Variants in TENM2 observed in about 807,000 individuals in gnomAD.
TENM2 encodes teneurin-2.
In TENM2, 52 loss-of-function variants were observed where a neutral mutation model predicts 245.2. That is an observed-to-expected ratio of 0.21 (90% CI 0.17 to 0.27). The LOEUF (loss-of-function observed/expected upper bound fraction) is 0.27, where lower values mean the gene tolerates loss of function less well. Ranked by LOEUF, TENM2 falls within the 10% of genes least tolerant of loss-of-function variation. The pLI is 1.00. For synonymous variants in TENM2, 1,363 were observed against 1,438.9 expected (o/e 0.95, Z 1.19); for missense variants, 3,046 against 3,666.8 (o/e 0.83, Z 4.37).
At chr5:167,101,459 G>A in the TENM2 span, among the ~76,000 whole-genome samples, 2 of 152,064 alleles carry the variant, frequency 1.3e-5, no homozygotes, top group Non-Finnish European at 2.9e-5. Flanking sequence ...CAAAGATAAT[G>A]GCAATGGTGT....
At chr5:168,027,170 G>A (rs890332474) in intron 5 of TENM2, among the ~76,000 whole-genome samples, 3 of 152,066 alleles carry the variant, frequency 2.0e-5, no homozygotes, top group African/African-American at 7.2e-5. Flanking sequence ...GAGAGCCAAG[G>A]TACCGTCACC....
At chr5:167,082,590 G>A in the TENM2 span, among the ~76,000 whole-genome samples, 10 of 152,102 alleles carry the variant, frequency 6.6e-5, no homozygotes, top group Admixed American at 3.9e-4. Context: ...CAGCCGAAGT[G>A]AGATATGCTG....
chr5:167,225,888 C>T, the TENM2 span, among the ~76,000 whole-genome samples: 1 of 151,896 alleles, frequency 6.6e-6, no homozygotes, highest in Non-Finnish European at 1.5e-5. Context: ...CTGATTCGAA[C>T]TTGGTAGGTT....
At chr5:167,915,861 G>A (rs1315290080) in intron 3 of TENM2, among the ~76,000 whole-genome samples, 1 of 152,154 alleles carries the variant, frequency 6.6e-6, no homozygotes, top group Non-Finnish European at 1.5e-5. Flanking sequence ...TTGCTGTTAA[G>A]TAATCTTGTC....
chr5:167,302,517 G>A (rs1439149999), intron 1 of TENM2, among the ~76,000 whole-genome samples: 3 of 149,804 alleles, frequency 2.0e-5, no homozygotes, highest in Non-Finnish European at 2.9e-5. Flanking sequence ...ATAAGAGGTC[G>A]GGGCATGGAA....
At chr5:167,113,415 C>T in the TENM2 span, among the ~76,000 whole-genome samples, 5 of 151,844 alleles carry the variant, frequency 3.3e-5, no homozygotes, top group Admixed American at 1.3e-4. Flanking sequence ...CTGAGGAAGG[C>T]GGATCACTTG....
intron 2 of TENM2, among the ~76,000 whole-genome samples, chr5:167,745,660 C>T (rs1333594644): frequency 6.6e-6 from 1 of 152,124 alleles, no homozygotes; most frequent in Non-Finnish European, 1.5e-5. Context: ...CCCTACTGGC[C>T]ATTTGCTGTT....
At chr5:167,135,558 C>T in the TENM2 span, among the ~76,000 whole-genome samples, 25 of 152,220 alleles carry the variant, frequency 1.6e-4, no homozygotes, top group African/African-American at 6.0e-4. Flanking sequence ...GGGCAGATGA[C>T]AAGGTCAGGA....
chr5:167,093,255 A>G, the TENM2 span, among the ~76,000 whole-genome samples: 2 of 152,220 alleles, frequency 1.3e-5, no homozygotes, highest in Non-Finnish European at 2.9e-5. Flanking sequence ...TTTATGAACC[A>G]GGATTCCACG....
At chr5:167,860,054 A>G (rs1168640086) in intron 2 of TENM2, among the ~76,000 whole-genome samples, 3 of 41,312 alleles carry the variant, frequency 7.3e-5, no homozygotes, top group Non-Finnish European at 9.6e-5. Context: ...TCCGGGAGGG[A>G]GGTGGGGGGG....
intron 2 of TENM2, among the ~76,000 whole-genome samples, chr5:167,804,984 T>C (rs1766045638): frequency 6.6e-6 from 1 of 152,170 alleles, no homozygotes; most frequent in South Asian, 2.1e-4. Context: ...GATGAGACAG[T>C]GCATGGACAC....
intron 2 of TENM2, among the ~76,000 whole-genome samples, chr5:167,832,830 T>C (rs1768625889): frequency 6.6e-6 from 1 of 152,022 alleles, no homozygotes; most frequent in South Asian, 2.1e-4. Flanking sequence ...CATTGTGCAA[T>C]ACGTCTTCTC....
chr5:167,448,399 G>C (rs958571494), intron 2 of TENM2, among the ~76,000 whole-genome samples: 2 of 151,612 alleles, frequency 1.3e-5, no homozygotes, highest in Admixed American at 6.6e-5. Flanking sequence ...GCGTCTGTCT[G>C]TCTCCAGTTG....
intron 5 of TENM2, among the ~76,000 whole-genome samples, chr5:168,019,000 A>G (rs1250445570): frequency 6.6e-6 from 1 of 152,172 alleles, no homozygotes; most frequent in Non-Finnish European, 1.5e-5. Context: ...TTGGTATCAG[A>G]GAGTACTTTA....
chr5:167,497,260 C>A (rs765937069), intron 2 of TENM2, among the ~76,000 whole-genome samples: 1 of 152,020 alleles, frequency 6.6e-6, no homozygotes, highest in African/African-American at 2.4e-5. Context: ...TACCAAATAA[C>A]TGCTGATACT....
the TENM2 span, among the ~76,000 whole-genome samples, chr5:167,213,496 C>CTAGTAA: frequency 2.0e-5 from 3 of 152,128 alleles, no homozygotes; most frequent in African/African-American, 7.2e-5. Context: ...AAGGCCCCAC[C>CTAGTAA]TAGTAACACC....
At chr5:167,144,041 C>T in the TENM2 span, among the ~76,000 whole-genome samples, 3 of 152,022 alleles carry the variant, frequency 2.0e-5, no homozygotes, top group Non-Finnish European at 2.9e-5. Context: ...GCTGTATTCA[C>T]ATTGAAATGA....
chr5:167,870,246 C>T (rs1057098640), intron 2 of TENM2, among the ~76,000 whole-genome samples: 4 of 152,086 alleles, frequency 2.6e-5, no homozygotes, highest in Non-Finnish European at 2.9e-5. Context: ...CTTGTTTCTG[C>T]CCAGGATTAA....
intron 2 of TENM2, among the ~76,000 whole-genome samples, chr5:167,840,560 A>G (rs181851907): frequency 2.0e-5 from 3 of 152,092 alleles, no homozygotes; most frequent in Admixed American, 6.6e-5. Flanking sequence ...GCCCCCCACA[A>G]TGTTAACTGA....
Sources: allele counts gnomAD v4.1 joint callset (sites outside exome capture counted in the v4.1 genomes callset), GRCh38; gene constraint gnomAD v4.1.1; transcripts MANE v1.5; gene names NCBI Gene and HGNC (gene_info 2026-07-23, HGNC 2026-07-21).